The following STX11 variants were observed in gnomAD, a reference collection of about 807,000 sequenced individuals.
The protein encoded by STX11 is syntaxin-11.
STX11 carries 21 observed loss-of-function variants against 19.9 expected under a neutral mutation model. That is an observed-to-expected ratio of 1.06 (90% CI 0.75 to 1.52). The LOEUF (loss-of-function observed/expected upper bound fraction) is 1.52. Ranked by LOEUF, STX11 falls within the 40% of genes most tolerant of loss-of-function variation. STX11 has a pLI of 0.00. For synonymous variants in STX11, 193 were observed against 174.4 expected (o/e 1.11, Z -0.84); for missense variants, 438 against 405.9 (o/e 1.08, Z -0.68).
upstream of STX11, among the ~76,000 whole-genome samples, chr6:144,148,920 C>G (rs1459351148): frequency 1.3e-5 from 2 of 152,192 alleles, no homozygotes; most frequent in African/African-American, 4.8e-5. Flanking sequence ...GATAACCTGA[C>G]AACTTTGAGG....
chr6:144,188,725 C>CTTTTTTT lies in STX11; in HGVS notation c.*1247_*1253dup, dbSNP rs11356106. 4.2e-5 allele frequency among the ~76,000 whole-genome samples: 5 copies of CTTTTTTT among 117,926 alleles called. No homozygotes were observed. Among genetic ancestry groups the CTTTTTTT allele is most frequent in the Non-Finnish European group, 6.7e-5 (4 of 59,384 alleles). The allele number at this position is 117,926 out of a possible 152,430, so 77.4% of individuals were successfully genotyped here. A position where few individuals can be genotyped will look rare whatever the true frequency, so the allele number is the denominator to read the frequency against. On this transcript the variant is annotated 3_prime_UTR_variant, in exon 2 of 2. Coordinates refer to ENST00000367568, the MANE Select transcript of STX11 (RefSeq NM_003764.4). The stretch of plus-strand genomic sequence containing the variant: ...ATTATTGTTAAAATTTTTCTTTTTC[C>CTTTTTTT]TTTTTTTTTTTTTTTTTTTGAGATG...
At position 144,175,844 on chromosome 6, in the gene STX11, G is replaced by T. The variant is rs1025109282; in HGVS notation, c.-5-10779G>T. Among the ~76,000 whole-genome samples, 1 of 152,196 alleles carries T rather than the reference G, an allele frequency of 6.6e-6. No individual in the cohort carries two copies. The highest frequency in any genetic ancestry group is 1.5e-5 in the Non-Finnish European group (1 of 68,044). On this transcript the variant is annotated intron_variant, in intron 1 of 1. Coordinates refer to ENST00000367568, the MANE Select transcript of STX11 (RefSeq NM_003764.4). This position sits in a 1 kb window ranked among gnomAD's most constrained non-coding sequence, Gnocchi z 5.1. ...AATAAGAAAGGAAAAGCAGTCAGAG[G>T]CCAAAGGGTCTCGTTAGTGACCGAT...
At position 144,182,123 on chromosome 6, in the gene STX11, G is replaced by A. The variant is rs1359147227; in HGVS notation, c.-5-4500G>A. Among the ~76,000 whole-genome samples the A allele has an allele frequency of 2.6e-5, 4 of 152,130 alleles. No individual in the cohort carries two copies. The highest frequency in any genetic ancestry group is 5.9e-5 in the Non-Finnish European group (4 of 68,032). On this transcript the variant is annotated intron_variant, in intron 1 of 1. Coordinates refer to ENST00000367568, the MANE Select transcript of STX11 (RefSeq NM_003764.4). This position sits in a 1 kb window ranked among gnomAD's most constrained non-coding sequence, Gnocchi z 4.8. ...TGATTTTTCTTTCTCATTTACCATA[G>A]TTCTCTTTCTAGGAACTCATAGTAC...
At position 144,170,128 on chromosome 6, in the gene STX11, A is replaced by G. The variant is rs1801591760; in HGVS notation, c.-5-16495A>G. Among the ~76,000 whole-genome samples, 1 of 152,210 alleles carries G rather than the reference A, an allele frequency of 6.6e-6. No homozygotes were observed. Among genetic ancestry groups the G allele is most frequent in the South Asian group, 2.1e-4 (1 of 4,826 alleles). ...CTCCAATAGCTTGATTTTCTTTGCT[A>G]CAGATAAACATAAACGCTTCCCCTT... On this transcript the variant is annotated intron_variant, in intron 1 of 1. Transcript: ENST00000367568. The surrounding 1 kb of genome is among the most constrained non-coding windows in gnomAD (Gnocchi z 4.7).
chr6:144,172,754 G>C lies in STX11; in HGVS notation c.-5-13869G>C, dbSNP rs1420270959. On this transcript the variant is annotated intron_variant, in intron 1 of 1. Coordinates refer to ENST00000367568, the MANE Select transcript of STX11 (RefSeq NM_003764.4). This position sits in a 1 kb window ranked among gnomAD's most constrained non-coding sequence, Gnocchi z 4.2. ...CTGCATGAGATCTAGATACAGTTCA[G>C]ACTCCTCAGAGATAGCTCTTCTTAT... Among the ~76,000 whole-genome samples, 3 of 152,150 alleles carry C rather than the reference G, an allele frequency of 2.0e-5. No individual in the cohort carries two copies. In the East Asian group the frequency reaches 5.8e-4, roughly 29 times the overall value.
At chr6:144,146,895 T>C (rs1036978723), upstream of STX11, among the ~76,000 whole-genome samples, 3 of 152,114 alleles carry the variant, frequency 2.0e-5, no homozygotes, top group Non-Finnish European at 4.4e-5. This position sits in a 1 kb window ranked among gnomAD's most constrained non-coding sequence, Gnocchi z 4.4. Context: ...AAAAAGTAAA[T>C]TGTGGATGGG....
rs578249874 is a variant in STX11, at chr6:144,159,276, G to A, written c.-6+8573G>A. On this transcript the variant is annotated intron_variant, in intron 1 of 1. Coordinates refer to ENST00000367568, the MANE Select transcript of STX11 (RefSeq NM_003764.4). The surrounding 1 kb of genome is among the most constrained non-coding windows in gnomAD (Gnocchi z 4.3). Reference sequence around the variant, plus strand: ...CCTATGAAGCTTATGGGCAAGCAGAGAAGATAAGTAACAATTGAATATGTT... The same window carrying A: ...CCTATGAAGCTTATGGGCAAGCAGAAAAGATAAGTAACAATTGAATATGTT... Among the ~76,000 whole-genome samples the A allele has an allele frequency of 6.6e-6, 1 of 152,246 alleles. No homozygotes were observed. The highest frequency in any genetic ancestry group is 2.1e-4 in the South Asian group (1 of 4,824).
At position 144,187,104 on chromosome 6, in the gene STX11, C is replaced by G; in HGVS notation, c.477C>G (p.Ile159Met). 2 of 1,613,890 alleles carry G rather than the reference C, an allele frequency of 1.2e-6. No individual in the cohort carries two copies. The highest frequency in any genetic ancestry group is 2.2e-5 in the South Asian group (2 of 91,088). ...AEMKQRDNCK[I>M]RIQRQLEIMG... ...TGAAGCAGCGCGACAACTGCAAGAT[C>G]CGCATCCAGCGCCAGCTGGAGATCA... The change falls in exon 2 of 2, where the codon ATC (isoleucine) becomes ATG (methionine). Residue 159 changes from isoleucine (I) to methionine (M), a missense_variant. Ile to Met is a conservative substitution (Grantham distance 10). Transcript: ENST00000367568. This position sits in a 1 kb window ranked among gnomAD's most constrained non-coding sequence, Gnocchi z 5.6.
rs1801070053 is a variant in STX11 at position 144,153,949 on chromosome 6, T to C, written c.-6+3246T>C. Among the ~76,000 whole-genome samples, 1 of 152,234 alleles carries C rather than the reference T, an allele frequency of 6.6e-6. No individual in the cohort carries two copies. The highest frequency in any genetic ancestry group is 2.1e-4 in the South Asian group (1 of 4,830). ...GCACATAATCAGTGCTCATTAAGATTTTTCAAATGAATGCTAGTAATAGCT... is the reference window on the plus strand; with the variant it reads ...GCACATAATCAGTGCTCATTAAGATCTTTCAAATGAATGCTAGTAATAGCT... On this transcript the variant is annotated intron_variant, in intron 1 of 1. Transcript: ENST00000367568. The surrounding 1 kb of genome is among the most constrained non-coding windows in gnomAD (Gnocchi z 5.0).
chr6:144,143,339 CTG>C, the STX11 span, among the ~76,000 whole-genome samples: 1 of 152,026 alleles, frequency 6.6e-6, no homozygotes, highest in African/African-American at 2.4e-5. Flanking sequence ...ATTAAGAAGA[CTG>C]TATTAGTTAA....
At position 144,191,058 on chromosome 6, in the gene STX11, C is replaced by G. The variant is rs906263082; in HGVS notation, c.*3567C>G. The stretch of plus-strand genomic sequence containing the variant: ...TTCTGCAAATTTTATACACTCATAT[C>G]TTTTAGGGTACAAAATGAAAGAACA... On this transcript the variant is annotated 3_prime_UTR_variant, in exon 2 of 2. Transcript: ENST00000367568. 2.0e-5 allele frequency among the ~76,000 whole-genome samples: 3 copies of G among 151,904 alleles called. No homozygotes were observed. Among genetic ancestry groups the G allele is most frequent in the African/African-American group, 7.3e-5 (3 of 41,334 alleles).
Position 144,162,817 on chromosome 6 carries a change from A to G in STX11, c.-6+12114A>G, listed in dbSNP as rs1451352053. On this transcript the variant is annotated intron_variant, in intron 1 of 1. Coordinates refer to ENST00000367568, the MANE Select transcript of STX11 (RefSeq NM_003764.4). The surrounding 1 kb of genome is among the most constrained non-coding windows in gnomAD (Gnocchi z 4.6). ...GTAAAAAATTACTCAACTATCATTT[A>G]TAAATCTTCTTGTTGATATTCATAG... 1.3e-5 allele frequency among the ~76,000 whole-genome samples: 2 copies of G among 152,254 alleles called. No homozygotes were observed. The highest frequency in any genetic ancestry group is 1.5e-5 in the Non-Finnish European group (1 of 68,036).
chr6:144,170,390 T>C lies in STX11; in HGVS notation c.-5-16233T>C, dbSNP rs1159653850. Among the ~76,000 whole-genome samples the C allele has an allele frequency of 6.6e-6, 1 of 152,122 alleles. No individual in the cohort carries two copies. The highest frequency in any genetic ancestry group is 1.5e-5 in the Non-Finnish European group (1 of 68,016). On this transcript the variant is annotated intron_variant, in intron 1 of 1. Coordinates refer to ENST00000367568, the MANE Select transcript of STX11 (RefSeq NM_003764.4). The surrounding 1 kb of genome is among the most constrained non-coding windows in gnomAD (Gnocchi z 4.7). ...GGAATCTGGACATGTGCAGAAAAGA[T>C]GTATTGCAGCTGAAGGGGGATGGGA... is the stretch of plus-strand genomic sequence containing the variant.
intron 1 of STX11, among the ~76,000 whole-genome samples, chr6:144,161,100 A>G (rs190086668): frequency 2.6e-5 from 4 of 152,326 alleles, no homozygotes; most frequent in African/African-American, 9.6e-5. Flanking sequence ...GTAGGTAATG[A>G]TTTTAGCCAC....
At chr6:144,168,605 C>G (rs1409235246) in intron 1 of STX11, among the ~76,000 whole-genome samples, 3 of 152,138 alleles carry the variant, frequency 2.0e-5, no homozygotes, top group Admixed American at 6.5e-5. Context: ...TTTCTCTCAT[C>G]TGATATACGG....
Position 144,165,412 on chromosome 6 carries a change from G to A in STX11, c.-6+14709G>A, listed in dbSNP as rs968392022. On this transcript the variant is annotated intron_variant, in intron 1 of 1. Coordinates refer to ENST00000367568, the MANE Select transcript of STX11 (RefSeq NM_003764.4). This position sits in a 1 kb window ranked among gnomAD's most constrained non-coding sequence, Gnocchi z 5.8. ...GGAGGTTGCGGTGAGCAGAGATCGC[G>A]CCATTGCACTCCAGCCTGGGCAACA... Among the ~76,000 whole-genome samples the A allele has an allele frequency of 5.9e-5, 9 of 151,524 alleles. No homozygotes were observed. Among genetic ancestry groups the A allele is most frequent in the African/African-American group, 1.5e-4 (6 of 41,164 alleles).
intron 1 of STX11, among the ~76,000 whole-genome samples, chr6:144,173,470 C>T (rs1237900254): frequency 6.6e-6 from 1 of 152,114 alleles, no homozygotes; most frequent in Non-Finnish European, 1.5e-5. Flanking sequence ...TTGTTTCTTC[C>T]AGTTGAAGAG....
Position 144,150,560 on chromosome 6 carries a change from A to G in STX11, c.-149A>G, listed in dbSNP as rs2128745444. 1.0e-6 allele frequency: 1 copy of G among 985,164 alleles called. No individual in the cohort carries two copies. The highest frequency in any genetic ancestry group is 1.2e-6 in the Non-Finnish European group (1 of 829,898). The allele number at this position is 985,164 out of a possible 1,614,324, so 61.0% of individuals were successfully genotyped here. ...GCGGAGCTCGGGCGGCCGTGGAGGAACTCAGCCTCGGCCGCAGGAGGCGCC... is the reference window on the plus strand; with the variant it reads ...GCGGAGCTCGGGCGGCCGTGGAGGAGCTCAGCCTCGGCCGCAGGAGGCGCC... On this transcript the variant is annotated 5_prime_UTR_variant, in exon 1 of 2. Transcript: ENST00000367568.
At position 144,176,626 on chromosome 6, in the gene STX11, T is replaced by A. The variant is rs1363939577; in HGVS notation, c.-5-9997T>A. On this transcript the variant is annotated intron_variant, in intron 1 of 1. Transcript: ENST00000367568. This position sits in a 1 kb window ranked among gnomAD's most constrained non-coding sequence, Gnocchi z 4.1. ...CTAAAGGGAGTGAGAAGACTGTCAG[T>A]GGTGAGTGGAGATAACTGAGGAAGG... 6.6e-6 allele frequency among the ~76,000 whole-genome samples: 1 copy of A among 152,138 alleles called. No individual in the cohort carries two copies. The highest frequency in any genetic ancestry group is 1.9e-4 in the East Asian group (1 of 5,194).
Sources: gnomAD v4.1 joint callset for allele counts (sites outside exome capture counted in the v4.1 genomes callset) on GRCh38, gnomAD v4.1.1 for gene constraint, Gnocchi (gnomAD v3.1) non-coding constraint, MANE v1.5 for transcripts, NCBI Gene and HGNC (gene_info 2026-07-23, HGNC 2026-07-21) for gene names.